The following GNA14 variants were observed in gnomAD, a reference collection of about 807,000 sequenced individuals.
GNA14 encodes the protein guanine nucleotide-binding protein subunit alpha-14.
Under a neutral mutation model 42.0 loss-of-function variants are expected in GNA14, and 50 were observed. The ratio of observed to expected loss-of-function variants is 1.19; its 90% CI spans 0.95 to 1.51. The LOEUF is 1.51. Among genes scored for constraint, GNA14 ranks in the 40% most tolerant of loss-of-function variants. The pLI, the probability that GNA14 is intolerant of heterozygous loss-of-function variation, is 0.00. For synonymous variants in GNA14, 173 were observed against 163.1 expected, an observed-to-expected ratio of 1.06 and a Z score of -0.46; for missense variants, 473 against 446.2, an observed-to-expected ratio of 1.06 and a Z score of -0.54.
At chr9:77,504,929 G>C (rs1453457855) in intron 2 of GNA14, among the ~76,000 whole-genome samples, 1 of 152,068 alleles carries the variant, frequency 6.6e-6, no homozygotes, top group Non-Finnish European at 1.5e-5. Flanking sequence ...GCCTCCCAAA[G>C]TGCTGGGATT....
intron 2 of GNA14, among the ~76,000 whole-genome samples, chr9:77,440,185 G>A (rs1020182843): frequency 6.6e-6 from 1 of 152,196 alleles, no homozygotes; most frequent in Non-Finnish European, 1.5e-5. Context: ...GCTCTGACAG[G>A]GAAACCTGGA....
intron 1 of GNA14, among the ~76,000 whole-genome samples, chr9:77,578,465 T>G (rs1823163950): frequency 6.6e-6 from 1 of 152,168 alleles, no homozygotes; most frequent in Non-Finnish European, 1.5e-5. Context: ...TGTTTGATAT[T>G]GTGCTTCCAA....
At chr9:77,581,579 T>G (rs919326161) in intron 1 of GNA14, among the ~76,000 whole-genome samples, 3 of 152,056 alleles carry the variant, frequency 2.0e-5, no homozygotes, top group African/African-American at 7.2e-5. Flanking sequence ...ATAAGGGAGG[T>G]CAACTTTCAA....
At chr9:77,554,199 A>T (rs1273284152) in intron 1 of GNA14, among the ~76,000 whole-genome samples, 1 of 152,196 alleles carries the variant, frequency 6.6e-6, no homozygotes. Flanking sequence ...GCAAGCCTTT[A>T]AAAGTGTCTC....
rs532057036 is a variant in GNA14, at chr9:77,435,271, C to T, written c.310-749G>A. On this transcript the variant is annotated intron_variant, in intron 2 of 6. Transcript: ENST00000341700. The stretch of plus-strand genomic sequence containing the variant: ...ACTCAGGAGGCTGAGGCAGGAGAAT[C>T]GCTTGAACCCAGAAGGTGGAGGTTG... Among the ~76,000 whole-genome samples, 7 of 152,038 alleles carry T rather than the reference C, an allele frequency of 4.6e-5. No individual in the cohort carries two copies. In the South Asian group the frequency reaches 1.0e-3, roughly 23 times the overall value.
intron 1 of GNA14, among the ~76,000 whole-genome samples, chr9:77,555,267 AGGCTGAGGC>A (rs1262627256): frequency 6.6e-6 from 1 of 152,170 alleles, no homozygotes; most frequent in African/African-American, 2.4e-5. Flanking sequence ...GCACTTTGGG[AGGCTGAGGC>A]GGGTGGATCA....
intron 1 of GNA14, among the ~76,000 whole-genome samples, chr9:77,594,050 T>C (rs1287387830): frequency 6.6e-6 from 1 of 152,216 alleles, no homozygotes; most frequent in East Asian, 1.9e-4. Context: ...CAAGGCCTCA[T>C]CTGCTGGATT....
chr9:77,482,502 T>C (rs962925906), intron 2 of GNA14, among the ~76,000 whole-genome samples: 13 of 152,298 alleles, frequency 8.5e-5, no homozygotes, highest in Non-Finnish European at 1.8e-4. Flanking sequence ...TTCCTTCCTT[T>C]CAACTTTGGT....
chr9:77,434,971 C>T (rs867079174), intron 2 of GNA14, among the ~76,000 whole-genome samples: 70 of 149,472 alleles, frequency 4.7e-4, no homozygotes, highest in African/African-American at 1.5e-3. Context: ...CTGGTACAGG[C>T]AATAAGGAGG....
chr9:77,528,613 G>A (rs1252382167), intron 2 of GNA14, among the ~76,000 whole-genome samples: 1 of 152,096 alleles, frequency 6.6e-6, no homozygotes, highest in Non-Finnish European at 1.5e-5. Context: ...CAAGAAGGGT[G>A]AACTCCCAGA....
At chr9:77,428,822 T>C in intron 5 of GNA14, 85 bp downstream of exon 5, 1 of 1,352,258 alleles carries the variant, frequency 7.4e-7, no homozygotes, top group Non-Finnish European at 1.0e-6. Flanking sequence ...ATGACGAGGG[T>C]CTATTTCCTG....
At chr9:77,473,283 C>T (rs968807126) in intron 2 of GNA14, among the ~76,000 whole-genome samples, 1 of 152,086 alleles carries the variant, frequency 6.6e-6, no homozygotes, top group Non-Finnish European at 1.5e-5. Context: ...ATGGAAAAAA[C>T]CCATCTCTAC....
chr9:77,485,233 C>T (rs1488073464), intron 2 of GNA14, among the ~76,000 whole-genome samples: 1 of 152,190 alleles, frequency 6.6e-6, no homozygotes, highest in Non-Finnish European at 1.5e-5. Flanking sequence ...AAAATGTTCA[C>T]AGCATCTCCA....
At chr9:77,579,294 C>T (rs1013257984) in intron 1 of GNA14, among the ~76,000 whole-genome samples, 2 of 152,162 alleles carry the variant, frequency 1.3e-5, no homozygotes, top group African/African-American at 4.8e-5. Context: ...TGCCAACAAA[C>T]ACCCATACCC....
At chr9:77,493,785 T>C (rs903480277) in intron 2 of GNA14, among the ~76,000 whole-genome samples, 1 of 152,238 alleles carries the variant, frequency 6.6e-6, no homozygotes, top group Non-Finnish European at 1.5e-5. Context: ...GGATTTGCAA[T>C]GCCCTATCAT....
At chr9:77,501,183 G>C (rs529159348) in intron 2 of GNA14, among the ~76,000 whole-genome samples, 9 of 152,242 alleles carry the variant, frequency 5.9e-5, no homozygotes, top group South Asian at 4.2e-4. Context: ...TCAAACTCCT[G>C]ATCTCAAGTG....
intron 2 of GNA14, among the ~76,000 whole-genome samples, chr9:77,510,527 G>A (rs184261276): frequency 2.5e-4 from 38 of 152,292 alleles, no homozygotes; most frequent in Non-Finnish European, 4.4e-4. Flanking sequence ...GTAGAGATGA[G>A]TTGCAGTGAG....
chr9:77,576,122 G>T (rs1435721762), intron 1 of GNA14, among the ~76,000 whole-genome samples: 2 of 152,132 alleles, frequency 1.3e-5, no homozygotes, highest in Admixed American at 1.3e-4. Context: ...TAAATATACT[G>T]CTAATCATAG....
At chr9:77,645,810 T>A (rs7024657) in intron 1 of GNA14, among the ~76,000 whole-genome samples, 9,078 of 152,266 alleles carry the variant, frequency 0.06, 844 homozygotes, top group African/African-American at 0.2. Context: ...TGGTATATTC[T>A]GGACACTGTA....
Sources: gnomAD v4.1 joint callset for allele counts (sites outside exome capture counted in the v4.1 genomes callset) on GRCh38, gnomAD v4.1.1 for gene constraint, MANE v1.5 for transcripts, NCBI Gene and HGNC (gene_info 2026-07-23, HGNC 2026-07-21) for gene names.